The following ECT2L variants were observed in gnomAD, a reference collection of about 807,000 sequenced individuals.
ECT2L encodes epithelial cell transforming 2 like, also known as epithelial cell-transforming sequence 2 oncogene-like.
Under a neutral mutation model 122.8 loss-of-function variants are expected in ECT2L, and 126 were observed. That is an observed-to-expected ratio of 1.03 (90% confidence interval 0.89 to 1.19). ECT2L has a LOEUF of 1.19. ECT2L is among the 50% of genes most tolerant of loss of function. The pLI is 0.00. For synonymous variants in ECT2L, 385 were observed against 381.8 expected, an observed-to-expected ratio of 1.01 and a Z score of -0.10; for missense variants, 1,012 against 1,064.1, an observed-to-expected ratio of 0.95 and a Z score of 0.68.
chr6:138,889,398 C>T (rs1778939715), intron 20 of ECT2L, among the ~76,000 whole-genome samples: 4 of 152,048 alleles, frequency 2.6e-5, no homozygotes, highest in Admixed American at 2.6e-4. Context: ...GCAATCTCGG[C>T]TCACAGCAAC....
chr6:138,857,086 A>T (rs1462921807), intron 10 of ECT2L, among the ~76,000 whole-genome samples: 1 of 152,126 alleles, frequency 6.6e-6, no homozygotes, highest in Non-Finnish European at 1.5e-5. Flanking sequence ...ACAAGATCAG[A>T]TACTGCACTT....
intron 14 of ECT2L, among the ~76,000 whole-genome samples, chr6:138,878,268 T>C (rs554586667): frequency 6.6e-5 from 10 of 151,486 alleles, no homozygotes; most frequent in Middle Eastern, 3.4e-3. Flanking sequence ...AATTCTCCAA[T>C]TGAACAAGGT....
intron 14 of ECT2L, 113 bp downstream of exon 14, chr6:138,876,671 A>G (rs1005965597): frequency 6.7e-4 from 53 of 78,848 alleles, no homozygotes; most frequent in Non-Finnish European, 1.1e-3. Flanking sequence ...TTGGGGGATT[A>G]AAAAAAAAAA....
At chr6:138,799,518 G>A (rs1775461619) in intron 1 of ECT2L, among the ~76,000 whole-genome samples, 1 of 151,884 alleles carries the variant, frequency 6.6e-6, no homozygotes. Flanking sequence ...GCCTCCCAAA[G>A]TGCTGGGATT....
rs73557274 is a variant in ECT2L at position 138,849,416 on chromosome 6, G to A, written c.1051G>A (p.Glu351Lys). ...AATATTTAGCGATGGAGACAGCAGAGAAATCAATTTACTCCAAGGTAGGCC... is the reference window on the plus strand; with the variant it reads ...AATATTTAGCGATGGAGACAGCAGAAAAATCAATTTACTCCAAGGTAGGCC... ...IGIFSDGDSR[E>K]INLLQGYKIG... The change falls in exon 9 of 22, where the codon GAA becomes AAA. Residue 351 changes from glutamate to lysine, a missense_variant. Transcript: ENST00000541398. 4.4e-3 allele frequency: 7,144 copies of A among 1,613,476 alleles called. 270 individuals are homozygous for A. The African/African-American group carries it at 0.082, about 18-fold the overall frequency.
At chr6:138,818,791 A>AC (rs1776157509) in intron 4 of ECT2L, among the ~76,000 whole-genome samples, 1 of 151,516 alleles carries the variant, frequency 6.6e-6, no homozygotes, top group Non-Finnish European at 1.5e-5. Flanking sequence ...ACCCAACAGG[A>AC]CTCTCGCTGA....
chr6:138,873,872 CTGTGTGTGTGTG>C (rs57839466), intron 13 of ECT2L, among the ~76,000 whole-genome samples: 24 of 71,372 alleles, frequency 3.4e-4, no homozygotes, highest in East Asian at 6.1e-4. Flanking sequence ...AAATCCAGGA[CTGTGTGTGTGTG>C]TGTGTGTGTG....
intron 15 of ECT2L, among the ~76,000 whole-genome samples, chr6:138,881,392 G>C (rs1161444331): frequency 2.6e-5 from 4 of 151,942 alleles, no homozygotes; most frequent in African/African-American, 9.7e-5. Context: ...GCAAGGAGTG[G>C]TGTTCAGGAC....
At position 138,867,983 on chromosome 6, in the gene ECT2L, GA is replaced by G. The variant is rs1778107598; in HGVS notation, c.1475-119del. On this transcript the variant is annotated intron_variant, in intron 12 of 21. Coordinates refer to ENST00000541398, the MANE Select transcript of ECT2L (RefSeq NM_001077706.3). ...CCACAGCACCCCAGCCTGGGCAACA[GA>G]GTAAGATTCTGTCTCAAAAAAAAAA... 2.3e-5 allele frequency: 16 copies of G among 708,628 alleles called. No homozygotes were observed. The South Asian group carries it at 3.8e-4, about 17-fold the overall frequency. The allele number at this position is 708,628 out of a possible 1,614,324, so 43.9% of individuals were successfully genotyped here.
At position 138,813,220 on chromosome 6, in the gene ECT2L, T is replaced by A; in HGVS notation, c.-55T>A. 7.3e-7 allele frequency: 1 copy of A among 1,366,504 alleles called. No individual in the cohort carries two copies. Among genetic ancestry groups the A allele is most frequent in the Non-Finnish European group, 1.0e-6 (1 of 975,014 alleles). 84.6% of individuals were successfully genotyped at this position (1,366,504 alleles called of 1,614,324 possible). Reference sequence around the variant, plus strand: ...GAAATAAACCTGTAGTTTCTAGAAGTGGAAGAAAATTTGCTGAGACGTCAG... The same window carrying A: ...GAAATAAACCTGTAGTTTCTAGAAGAGGAAGAAAATTTGCTGAGACGTCAG... On this transcript the variant is annotated 5_prime_UTR_variant, in exon 3 of 22. Transcript: ENST00000541398.
At position 138,854,144 on chromosome 6, in the gene ECT2L, T is replaced by G. The variant is rs1310680757; in HGVS notation, c.1188T>G (p.Leu396=). The stretch of plus-strand genomic sequence containing the variant: ...GTCACGTGGACTTCTTCGTGCCCCT[T>G]GGAGCATCAGGTTAGCTCAGAACAC... ...EGGHVDFFVP[L]GASEAGIEVL... is the part of the protein sequence containing the mutation. The change falls in exon 10 of 22, where the codon CTT becomes CTG. Residue 396 remains leucine, a synonymous_variant. Coordinates refer to ENST00000541398, the MANE Select transcript of ECT2L (RefSeq NM_001077706.3). The G allele has an allele frequency of 1.9e-6, 3 of 1,613,668 alleles. No homozygotes were observed. Among genetic ancestry groups the G allele is most frequent in the Non-Finnish European group, 2.5e-6 (3 of 1,179,894 alleles).
At chr6:138,873,067 C>A (rs1482715073) in intron 13 of ECT2L, among the ~76,000 whole-genome samples, 1 of 152,160 alleles carries the variant, frequency 6.6e-6, no homozygotes, top group Non-Finnish European at 1.5e-5. Context: ...GAAGTCTTTT[C>A]AACTGGCTAT....
At position 138,813,156 on chromosome 6, in the gene ECT2L, T is replaced by A. The variant is rs1775956487; in HGVS notation, c.-103-16T>A. The A allele has an allele frequency of 1.6e-6, 1 of 632,996 alleles. No homozygotes were observed. Among genetic ancestry groups the A allele is most frequent in the African/African-American group, 1.8e-5 (1 of 54,356 alleles). The allele number at this position is 632,996 out of a possible 1,614,324, so 39.2% of individuals were successfully genotyped here. On this transcript the variant is annotated splice_polypyrimidine_tract_variant and intron_variant, in intron 2 of 21. Coordinates refer to ENST00000541398, the MANE Select transcript of ECT2L (RefSeq NM_001077706.3). ...TATAATTCCTATAAGGACATTAACA[T>A]ATTGGTTATTTCTAGGTGATCTTAA...
intron 5 of ECT2L, among the ~76,000 whole-genome samples, chr6:138,842,215 T>C (rs938560479): frequency 6.6e-6 from 1 of 152,202 alleles, no homozygotes; most frequent in Non-Finnish European, 1.5e-5. Flanking sequence ...TCCCAGCACT[T>C]TGGGAGGCTG....
rs563418177 is a variant in ECT2L, at chr6:138,822,449, G to A, written c.179+7846G>A. Among the ~76,000 whole-genome samples, 24 of 152,288 alleles carry A rather than the reference G, an allele frequency of 1.6e-4. No homozygotes were observed. The South Asian group carries it at 5.0e-3, about 32-fold the overall frequency. ...GTGTGCCTGTGGTCCCAGCTACTTA[G>A]GAGGCTGACGCAGGGGAATTGCTTG... On this transcript the variant is annotated intron_variant, in intron 4 of 21. Transcript: ENST00000541398.
chr6:138,810,106 G>A (rs1306425812), intron 1 of ECT2L, among the ~76,000 whole-genome samples: 1 of 152,146 alleles, frequency 6.6e-6, no homozygotes, highest in Non-Finnish European at 1.5e-5. Context: ...TACAGGCCAC[G>A]TTTGCCAAAG....
At chr6:138,839,597 C>T (rs1415124242) in intron 5 of ECT2L, among the ~76,000 whole-genome samples, 7 of 152,102 alleles carry the variant, frequency 4.6e-5, no homozygotes, top group African/African-American at 1.4e-4. Context: ...CTCCTGGGCT[C>T]AAGAGATCCA....
chr6:138,881,361 T>TC (rs929268970), intron 15 of ECT2L, among the ~76,000 whole-genome samples, 190 bp downstream of exon 15: 1 of 151,734 alleles, frequency 6.6e-6, no homozygotes, highest in Non-Finnish European at 1.5e-5. Context: ...GGACACCCCT[T>TC]CCCCCGTTCA....
At chr6:138,866,413 G>A (rs1778041810) in intron 12 of ECT2L, among the ~76,000 whole-genome samples, 1 of 152,120 alleles carries the variant, frequency 6.6e-6, no homozygotes, top group Non-Finnish European at 1.5e-5. Flanking sequence ...ACCACGCCCG[G>A]CTAATTTTTG....
Sources: allele counts gnomAD v4.1 joint callset (sites outside exome capture counted in the v4.1 genomes callset), GRCh38; gene constraint gnomAD v4.1.1; transcripts MANE v1.5; gene names NCBI Gene and HGNC (gene_info 2026-07-23, HGNC 2026-07-21).